KCNK2: variants seen among roughly 807,000 people sequenced by gnomAD.
KCNK2 encodes the protein potassium two pore domain channel subfamily K member 2.
A neutral mutation model predicts 40.5 loss-of-function variants in KCNK2; 21 were observed. The observed-to-expected ratio is 0.52, with a 90% CI of 0.37 to 0.75. KCNK2 has a LOEUF of 0.75. Among genes scored for constraint, KCNK2 ranks in the 30% least tolerant of loss-of-function variants. KCNK2 has a pLI of 0.00. For missense variants in KCNK2, 399 were observed against 531.6 expected, an observed-to-expected ratio of 0.75 and a Z score of 2.45; for synonymous variants, 191 against 202.2, an observed-to-expected ratio of 0.94 and a Z score of 0.47.
At chr1:215,225,605 A>G (rs917489524) in intron 6 of KCNK2, among the ~76,000 whole-genome samples, 1 of 152,230 alleles carries the variant, frequency 6.6e-6, no homozygotes, top group African/African-American at 2.4e-5. Flanking sequence ...GAGGAGGGCT[A>G]TGTCAGTCAA....
chr1:215,165,315 A>G (rs1013663876), intron 3 of KCNK2, among the ~76,000 whole-genome samples: 2 of 151,964 alleles, frequency 1.3e-5, no homozygotes, highest in Non-Finnish European at 2.9e-5. Context: ...CAGCACAAAC[A>G]CCTCCAATTC....
chr1:215,228,586 G>A (rs2102708718), intron 6 of KCNK2, among the ~76,000 whole-genome samples: 1 of 152,186 alleles, frequency 6.6e-6, no homozygotes, highest in African/African-American at 2.4e-5. Context: ...ATTTTTTGGA[G>A]CTGTTTTTCC....
At chr1:215,186,840 G>C (rs1030161906) in intron 5 of KCNK2, among the ~76,000 whole-genome samples, 5 of 152,228 alleles carry the variant, frequency 3.3e-5, no homozygotes, top group African/African-American at 1.2e-4. Context: ...AGAATCTGTA[G>C]ACACTTTTAT....
intron 6 of KCNK2, among the ~76,000 whole-genome samples, chr1:215,234,435 GC>G (rs1460252814): frequency 6.6e-6 from 1 of 151,998 alleles, no homozygotes; most frequent in Non-Finnish European, 1.5e-5. Flanking sequence ...ATATCTTACT[GC>G]CCTTTGTACA....
At chr1:215,100,654 G>A (rs898875108) in intron 2 of KCNK2, among the ~76,000 whole-genome samples, 1 of 151,932 alleles carries the variant, frequency 6.6e-6, no homozygotes, top group Admixed American at 6.6e-5. Flanking sequence ...TATTGTACTA[G>A]GAGATGGTTT....
At position 215,050,348 on chromosome 1, in the gene KCNK2, G is replaced by A. The variant is rs190385727; in HGVS notation, c.35-36020G>A. 1.5e-4 allele frequency among the ~76,000 whole-genome samples: 23 copies of A among 152,136 alleles called. No individual in the cohort carries two copies. In the East Asian group the frequency reaches 2.7e-3, roughly 18 times the overall value. The stretch of plus-strand genomic sequence containing the variant: ...TGAATGATTTTTCAAAAAGTTTTCC[G>A]AACTCGAAGATTTCTTGCAGTGTCA... On this transcript the variant is annotated intron_variant, in intron 1 of 6. Coordinates refer to the KCNK2 transcript ENST00000391895.
At chr1:215,154,057 G>A (rs1372304464) in intron 3 of KCNK2, among the ~76,000 whole-genome samples, 1 of 152,120 alleles carries the variant, frequency 6.6e-6, no homozygotes, top group Non-Finnish European at 1.5e-5. Flanking sequence ...ATAAACATAT[G>A]TGTGCAAGTG....
In KCNK2 at chr1:215,044,795, A is replaced by ATGTGTGTGTGTG. The variant is rs150179184; in HGVS notation, c.34+38861_34+38872dup. Among the ~76,000 whole-genome samples, 34 of 145,722 alleles carry ATGTGTGTGTGTG rather than the reference A, an allele frequency of 2.3e-4. 1 individual carries two copies. The Middle Eastern group carries it at 0.018, about 77-fold the overall frequency. On this transcript the variant is annotated intron_variant, in intron 1 of 6. Coordinates refer to the KCNK2 transcript ENST00000391895. ...TAACTAGGTACTTGGGGATAAGTGT[A>ATGTGTGTGTGTG]TGTGTGTGTGTGTGTGTGTGTGTGT...
In KCNK2 at chr1:215,203,866, G is replaced by A. The variant is rs1440798489; in HGVS notation, c.963+8774G>A. Among the ~76,000 whole-genome samples, 7 of 151,496 alleles carry A rather than the reference G, an allele frequency of 4.6e-5. No individual in the cohort carries two copies. The South Asian group carries it at 1.0e-3, about 23-fold the overall frequency. On this transcript the variant is annotated intron_variant, in intron 6 of 6. Transcript: ENST00000444842. ...ATCCTGGCAAACACCATGAAACCCC[G>A]TCTCTACTAAAAACACAAAAAATTA...
intron 3 of KCNK2, among the ~76,000 whole-genome samples, chr1:215,151,962 T>C (rs897406203): frequency 6.6e-6 from 1 of 152,154 alleles, no homozygotes; most frequent in African/African-American, 2.4e-5. Context: ...GTGTTGATTG[T>C]ATTTACCTTT....
rs1349545599 is a variant in KCNK2 at position 215,167,613 on chromosome 1, G to T, written c.476-1586G>T. ...GCTTTAAGATCTTTAAAACTTTAAA[G>T]AAGTTTAATAATTTTAAGTTTTTAG... On this transcript the variant is annotated intron_variant, in intron 3 of 6. Coordinates refer to ENST00000444842, the MANE Select transcript of KCNK2 (RefSeq NM_001017425.3). Among the ~76,000 whole-genome samples the T allele has an allele frequency of 2.0e-5, 3 of 152,022 alleles. No individual in the cohort carries two copies. The East Asian group carries it at 5.8e-4, about 29-fold the overall frequency.
intron 6 of KCNK2, among the ~76,000 whole-genome samples, chr1:215,202,322 T>C (rs147298999): frequency 5.3e-5 from 8 of 152,306 alleles, no homozygotes; most frequent in African/African-American, 1.2e-4. Context: ...TGCTGGTCAA[T>C]GTTGGCTCTG....
rs1342579008 is a variant in KCNK2 at position 215,094,852 on chromosome 1, AAAT to A, written c.357+8178_357+8180del. On this transcript the variant is annotated intron_variant, in intron 2 of 6. Coordinates refer to ENST00000444842, the MANE Select transcript of KCNK2 (RefSeq NM_001017425.3). ...GTGATTAAAAAGGAATATTATTTAA[AAAT>A]AATGGCTAGAATATTATTTGATAGG... is the stretch of plus-strand genomic sequence containing the variant. Among the ~76,000 whole-genome samples the A allele has an allele frequency of 2.0e-5, 3 of 152,270 alleles. No homozygotes were observed. The East Asian group carries it at 5.8e-4, about 29-fold the overall frequency.
chr1:215,025,224 G>A (rs1229233462), intron 1 of KCNK2, among the ~76,000 whole-genome samples: 4 of 149,184 alleles, frequency 2.7e-5, no homozygotes, highest in Non-Finnish European at 4.4e-5. Flanking sequence ...TGGGATTATG[G>A]TGATGGTTAA....
At chr1:215,179,247 TTTTC>T (rs1664123746) in intron 5 of KCNK2, among the ~76,000 whole-genome samples, 1 of 152,076 alleles carries the variant, frequency 6.6e-6, no homozygotes, top group Non-Finnish European at 1.5e-5. Flanking sequence ...TCTCTCATTT[TTTTC>T]TTTGTTAATC....
At chr1:215,005,633 G>C, upstream of KCNK2, 1 of 403,612 alleles carries the variant, frequency 2.5e-6, no homozygotes, top group Non-Finnish European at 4.4e-6. Context: ...GGAACAACTG[G>C]GATATAGTTC....
At chr1:215,189,888 T>C (rs4233308) in intron 5 of KCNK2, among the ~76,000 whole-genome samples, 150,772 of 152,270 alleles carry the variant, frequency 0.99, 74,667 homozygotes, top group East Asian at 1. Flanking sequence ...TAAAGTCAAG[T>C]AAACCCCCCA....
At chr1:215,092,150 C>T (rs1659718668) in intron 2 of KCNK2, among the ~76,000 whole-genome samples, 1 of 152,006 alleles carries the variant, frequency 6.6e-6, no homozygotes, top group Non-Finnish European at 1.5e-5. Context: ...GGGGCTTGAC[C>T]TAAGAGATTG....
chr1:215,044,147 A>G (rs912956330), intron 1 of KCNK2, among the ~76,000 whole-genome samples: 9 of 152,182 alleles, frequency 5.9e-5, no homozygotes, highest in Non-Finnish European at 1.0e-4. Flanking sequence ...ATGGAAAAGA[A>G]CCATATACTT....
Sources: allele counts gnomAD v4.1 joint callset (sites outside exome capture counted in the v4.1 genomes callset), GRCh38; gene constraint gnomAD v4.1.1; transcripts MANE v1.5; gene names NCBI Gene and HGNC (gene_info 2026-07-23, HGNC 2026-07-21).